Variants in KIF16B observed in about 807,000 individuals in gnomAD.
The protein encoded by KIF16B is kinesin-like protein KIF16B.
KIF16B carries 98 observed loss-of-function variants against 156.3 expected under a neutral mutation model. That is an observed-to-expected ratio of 0.63 (90% CI 0.53 to 0.74). The LOEUF is 0.74. Ranked by LOEUF, KIF16B falls within the 30% of genes least tolerant of loss-of-function variation. The pLI, the probability that KIF16B is intolerant of heterozygous loss-of-function variation, is 0.00. For missense variants in KIF16B, 1,421 were observed against 1,606.5 expected (o/e 0.88, Z 1.97); for synonymous variants, 564 against 583.7 (o/e 0.97, Z 0.49).
intron 8 of KIF16B, 31 bp downstream of exon 8, chr20:16,505,989 AAC>A (rs1291528008): frequency 6.2e-7 from 1 of 1,612,486 alleles, no homozygotes; most frequent in East Asian, 2.2e-5. Flanking sequence ...AAGAGGAGGA[AAC>A]AGAGGAGGCA....
intron 17 of KIF16B, among the ~76,000 whole-genome samples, chr20:16,394,005 C>T (rs1884600): frequency 0.16 from 24,638 of 152,100 alleles, 2,707 homozygotes; most frequent in East Asian, 0.6. Context: ...ATTACAGAGC[C>T]GGTGACACGT....
At chr20:16,434,188 T>C (rs1183548929) in intron 12 of KIF16B, among the ~76,000 whole-genome samples, 1 of 152,250 alleles carries the variant, frequency 6.6e-6, no homozygotes, top group African/African-American at 2.4e-5. Context: ...CAGGCATCTA[T>C]TCAGGTGAAA....
At chr20:16,336,117 T>C (rs1169030422) in intron 23 of KIF16B, 102 bp from the exon 24 acceptor site, 3 of 693,424 alleles carry the variant, frequency 4.3e-6, no homozygotes, top group African/African-American at 1.8e-5. Flanking sequence ...GTGATTAGCA[T>C]GTAAAATTTC....
At chr20:16,545,016 C>A (rs2070350405) in intron 1 of KIF16B, among the ~76,000 whole-genome samples, 1 of 152,166 alleles carries the variant, frequency 6.6e-6, no homozygotes, top group Non-Finnish European at 1.5e-5. Context: ...CCAAAAATAT[C>A]AATTAACTTG....
chr20:16,423,536 A>G (rs1002828017), intron 15 of KIF16B, among the ~76,000 whole-genome samples: 6 of 152,148 alleles, frequency 3.9e-5, no homozygotes, highest in African/African-American at 1.4e-4. Context: ...TGTTCTACTC[A>G]TGTATTAATA....
intron 3 of KIF16B, 117 bp from the exon 4 acceptor site, chr20:16,515,781 A>T: frequency 1.6e-6 from 1 of 616,030 alleles, no homozygotes; most frequent in Non-Finnish European, 2.9e-6. Context: ...TAGACCATAT[A>T]AATAAATCAC....
At chr20:16,419,298 G>T (rs559464652) in intron 15 of KIF16B, among the ~76,000 whole-genome samples, 2 of 152,248 alleles carry the variant, frequency 1.3e-5, no homozygotes, top group South Asian at 4.2e-4. Context: ...AAGTGCAGGT[G>T]AGTCAGTGAA....
At chr20:16,442,857 G>C (rs1422373081) in intron 12 of KIF16B, among the ~76,000 whole-genome samples, 1 of 152,026 alleles carries the variant, frequency 6.6e-6, no homozygotes. Context: ...ATGAGAGGGA[G>C]GAAGAAAAGA....
chr20:16,491,667 C>G (rs2068295941), intron 12 of KIF16B, among the ~76,000 whole-genome samples: 1 of 152,170 alleles, frequency 6.6e-6, no homozygotes, highest in Non-Finnish European at 1.5e-5. Flanking sequence ...AGAAAGAGAA[C>G]TGAAGACTAA....
At chr20:16,439,824 CTT>C (rs1194730215) in intron 12 of KIF16B, among the ~76,000 whole-genome samples, 10 of 152,126 alleles carry the variant, frequency 6.6e-5, no homozygotes, top group Non-Finnish European at 1.3e-4. Flanking sequence ...CATCAGATCT[CTT>C]GAGACTTATT....
intron 24 of KIF16B, among the ~76,000 whole-genome samples, chr20:16,319,406 T>A (rs1445231182): frequency 6.6e-6 from 1 of 152,168 alleles, no homozygotes; most frequent in African/African-American, 2.4e-5. Context: ...TGGTTTCTGA[T>A]CCTACACACG....
intron 12 of KIF16B, among the ~76,000 whole-genome samples, chr20:16,453,939 T>C (rs917678038): frequency 5.7e-4 from 86 of 152,184 alleles, no homozygotes; most frequent in African/African-American, 1.9e-3. Flanking sequence ...GCCTGTGAAC[T>C]TGCAGGAAGA....
chr20:16,405,618 G>A (rs1183791611), intron 16 of KIF16B, among the ~76,000 whole-genome samples: 1 of 152,140 alleles, frequency 6.6e-6, no homozygotes, highest in Non-Finnish European at 1.5e-5. Flanking sequence ...CAGTACTGCA[G>A]CCAAAGCTCC....
chr20:16,330,323 T>C (rs2063925720), intron 24 of KIF16B, among the ~76,000 whole-genome samples: 1 of 152,154 alleles, frequency 6.6e-6, no homozygotes. Flanking sequence ...ATTAACCAAA[T>C]GAATGTGAGT....
chr20:16,445,372 A>G (rs899567313), intron 12 of KIF16B, among the ~76,000 whole-genome samples: 4 of 151,654 alleles, frequency 2.6e-5, no homozygotes, highest in Non-Finnish European at 5.9e-5. Context: ...ATATACATCT[A>G]TATTTATTCA....
At chr20:16,363,629 C>A (rs1325038209) in intron 22 of KIF16B, among the ~76,000 whole-genome samples, 1 of 152,156 alleles carries the variant, frequency 6.6e-6, no homozygotes, top group African/African-American at 2.4e-5. Flanking sequence ...TTAGCAGACA[C>A]AGGCAAAGGC....
intron 12 of KIF16B, among the ~76,000 whole-genome samples, chr20:16,483,177 C>CA (rs1204559631): frequency 6.6e-6 from 1 of 152,156 alleles, no homozygotes; most frequent in Non-Finnish European, 1.5e-5. Flanking sequence ...TGAGGGTAGA[C>CA]AGCCTGAGGA....
chr20:16,283,179 T>C (rs2063171991), intron 25 of KIF16B, among the ~76,000 whole-genome samples: 1 of 152,104 alleles, frequency 6.6e-6, no homozygotes, highest in Non-Finnish European at 1.5e-5. Context: ...ATTAAGGATA[T>C]TATGTAGGTG....
intron 12 of KIF16B, among the ~76,000 whole-genome samples, chr20:16,434,633 A>C (rs761668104): frequency 2.6e-5 from 4 of 152,202 alleles, no homozygotes; most frequent in Non-Finnish European, 5.9e-5. Flanking sequence ...GCGTGTCTTC[A>C]CAGAGTATGT....
Sources: allele counts gnomAD v4.1 joint callset (sites outside exome capture counted in the v4.1 genomes callset), GRCh38; gene constraint gnomAD v4.1.1; transcripts MANE v1.5; gene names NCBI Gene and HGNC (gene_info 2026-07-23, HGNC 2026-07-21).